Variants in MPC1 observed in about 807,000 individuals in gnomAD.
MPC1 encodes HSPC040 protein.
MPC1 carries 6 observed loss-of-function variants against 13.9 expected under a neutral mutation model. The ratio of observed to expected loss-of-function variants is 0.43; its 90% CI spans 0.24 to 0.85. The LOEUF (loss-of-function observed/expected upper bound fraction) is 0.85. Ranked by LOEUF, MPC1 falls within the 40% of genes least tolerant of loss-of-function variation. MPC1 has a pLI of 0.24. For synonymous variants in MPC1, 47 were observed against 50.5 expected, an observed-to-expected ratio of 0.93 and a Z score of 0.29; for missense variants, 115 against 143.3, an observed-to-expected ratio of 0.80 and a Z score of 1.01.
At position 166,365,458 on chromosome 6, in the gene MPC1, A is replaced by G; in HGVS notation, c.306-5T>C. ...GCAGATGCCGTTTTAGTCATCCTGG[A>G]AAGAAACAAAAAGAAAAATTCAATG... is the stretch of plus-strand genomic sequence containing the variant. On this transcript the variant is annotated splice_region_variant and splice_polypyrimidine_tract_variant and intron_variant, in intron 4 of 4. Coordinates refer to ENST00000360961, the MANE Select transcript of MPC1 (RefSeq NM_016098.4). The surrounding 1 kb of genome is among the most constrained non-coding windows in gnomAD (Gnocchi z 4.2). 1 of 1,572,084 alleles carries G rather than the reference A, an allele frequency of 6.4e-7. No individual in the cohort carries two copies.
At chr6:166,369,262 T>C (rs1407151544) in intron 2 of MPC1, among the ~76,000 whole-genome samples, 1 of 152,024 alleles carries the variant, frequency 6.6e-6, no homozygotes, top group Admixed American at 6.6e-5. Flanking sequence ...ATTAGCTGGG[T>C]GTGGTGGCTT....
intron 2 of MPC1, 172 bp downstream of exon 2, chr6:166,370,046 C>T (rs772335382): frequency 4.2e-6 from 3 of 718,188 alleles, no homozygotes; most frequent in Middle Eastern, 2.4e-4. Context: ...TCACAGAGCT[C>T]GTGTCTAGGC....
intron 1 of MPC1, among the ~76,000 whole-genome samples, chr6:166,380,270 C>G (rs1779720339): frequency 6.6e-6 from 1 of 152,142 alleles, no homozygotes; most frequent in Non-Finnish European, 1.5e-5. Context: ...TTCTTGATAA[C>G]CCAAAAAGAG....
Position 166,366,093 on chromosome 6 carries a change from A to G in MPC1, c.186T>C (p.Tyr62=), listed in dbSNP as rs1348803930. 6.2e-7 allele frequency: 1 copy of G among 1,614,046 alleles called. No individual in the cohort carries two copies. The highest frequency in any genetic ancestry group is 1.7e-5 in the Admixed American group (1 of 60,002). The change falls in exon 4 of 5, where the codon TAT becomes TAC. Residue 62 remains tyrosine, a synonymous_variant. Coordinates refer to ENST00000360961, the MANE Select transcript of MPC1 (RefSeq NM_016098.4). Reference sequence around the variant, plus strand: ...AGGCAAATCTCATGAATGTCAAAGAATAGCAACAGAGGGCTGCCAAAAATA... The same window carrying G: ...AGGCAAATCTCATGAATGTCAAAGAGTAGCAACAGAGGGCTGCCAAAAATA... ...SGRMTFALCC[Y]SLTFMRFAYK... is the part of the protein sequence containing the mutation.
intron 1 of MPC1, among the ~76,000 whole-genome samples, chr6:166,371,518 G>C (rs1779379502): frequency 2.0e-5 from 3 of 152,122 alleles, no homozygotes; most frequent in Admixed American, 2.0e-4. Flanking sequence ...CAGTACGGCA[G>C]GGGGAAAAAT....
intron 2 of MPC1, among the ~76,000 whole-genome samples, chr6:166,367,875 C>T (rs1377732835): frequency 6.6e-6 from 1 of 151,852 alleles, no homozygotes; most frequent in Admixed American, 6.6e-5. Flanking sequence ...GGGTTAAAAT[C>T]CAAAGATTCC....
chr6:166,381,788 C>T, intron 1 of MPC1: 1 of 980,932 alleles, frequency 1.0e-6, no homozygotes, highest in African/African-American at 1.7e-5. Flanking sequence ...ACCTTAGAGA[C>T]ACGTCACTTT....
chr6:166,367,182 G>A, intron 2 of MPC1: 5 of 1,236,196 alleles, frequency 4.0e-6, no homozygotes, highest in Non-Finnish European at 5.1e-6. Flanking sequence ...ATCTCTGATT[G>A]TCCTATTTAG....
intron 1 of MPC1, among the ~76,000 whole-genome samples, chr6:166,377,259 G>A (rs908844893): frequency 1.3e-5 from 2 of 151,558 alleles, no homozygotes; most frequent in Non-Finnish European, 2.9e-5. Context: ...CTGCCCACTC[G>A]GGAGACAATC....
chr6:166,366,824 G>C lies in MPC1; in HGVS notation c.143C>G (p.Pro48Arg). The change falls in exon 3 of 5, where the codon CCA (proline) becomes CGA (arginine). Residue 48 changes from proline (P) to arginine (R), a missense_variant. Coordinates refer to ENST00000360961, the MANE Select transcript of MPC1 (RefSeq NM_016098.4). ...TGTCATCCGCCCACTGATAATCTCT[G>C]GAGACTTTTTCATATCATTGATGGC... Reference protein sequence around the residue: ...IAAINDMKKSPEIISGRMTFA... With the variant: ...IAAINDMKKSREIISGRMTFA... 6.2e-7 allele frequency: 1 copy of C among 1,614,026 alleles called. No homozygotes were observed. The highest frequency in any genetic ancestry group is 8.5e-7 in the Non-Finnish European group (1 of 1,179,936).
At chr6:166,382,781 G>T in intron 1 of MPC1, 25 bp downstream of exon 1, 1 of 1,568,888 alleles carries the variant, frequency 6.4e-7, no homozygotes, top group East Asian at 2.5e-5. Flanking sequence ...CCGGGTTGCG[G>T]GGTTCGGCCT....
chr6:166,373,412 C>G (rs1779455103), intron 1 of MPC1, among the ~76,000 whole-genome samples: 1 of 152,158 alleles, frequency 6.6e-6, no homozygotes, highest in Non-Finnish European at 1.5e-5. Context: ...TTCTTTCATG[C>G]AGTAATATGA....
chr6:166,381,937 G>C (rs1280783775), intron 1 of MPC1: 1 of 492,618 alleles, frequency 2.0e-6, no homozygotes, highest in Admixed American at 6.4e-5. Context: ...AAGCGCGCTG[G>C]GCGCACCCGA....
intron 1 of MPC1, among the ~76,000 whole-genome samples, chr6:166,375,849 G>C (rs1451095960): frequency 6.6e-6 from 1 of 152,124 alleles, no homozygotes; most frequent in African/African-American, 2.4e-5. Flanking sequence ...AGAAGAATGT[G>C]TATTCTGCTG....
chr6:166,367,672 A>C (rs931726169), intron 2 of MPC1, among the ~76,000 whole-genome samples: 1 of 152,234 alleles, frequency 6.6e-6, no homozygotes, highest in Admixed American at 6.5e-5. Flanking sequence ...GCTTTTGTTC[A>C]TTAAAGATGA....
chr6:166,368,132 AT>A (rs1186787787), intron 2 of MPC1, among the ~76,000 whole-genome samples: 16 of 152,344 alleles, frequency 1.1e-4, no homozygotes, highest in African/African-American at 3.8e-4. Flanking sequence ...CTAATTAGTT[AT>A]CTTGCATTCA....
chr6:166,371,830 T>G (rs1238267498), intron 1 of MPC1, among the ~76,000 whole-genome samples: 1 of 152,144 alleles, frequency 6.6e-6, no homozygotes, highest in African/African-American at 2.4e-5. Context: ...AATAATAAAA[T>G]AGAATAATTA....
chr6:166,382,040 C>T (rs1302038932), intron 1 of MPC1, among the ~76,000 whole-genome samples: 1 of 152,250 alleles, frequency 6.6e-6, no homozygotes, highest in Non-Finnish European at 1.5e-5. Context: ...TCTGGCACAC[C>T]TGGACGGCCG....
intron 2 of MPC1, 178 bp from the exon 3 acceptor site, chr6:166,367,069 A>T: frequency 6.8e-7 from 1 of 1,470,352 alleles, no homozygotes; most frequent in Non-Finnish European, 9.0e-7. Context: ...GGATTGTCCA[A>T]GTGTTCCTGT....
Sources: allele counts gnomAD v4.1 joint callset (sites outside exome capture counted in the v4.1 genomes callset), GRCh38; gene constraint gnomAD v4.1.1; non-coding constraint Gnocchi (gnomAD v3.1); transcripts MANE v1.5; gene names NCBI Gene and HGNC (gene_info 2026-07-23, HGNC 2026-07-21).